The following RAB11FIP2 variants were observed in gnomAD, a reference collection of about 807,000 sequenced individuals.
RAB11FIP2 encodes rab11 family-interacting protein 2.
Under a neutral mutation model 40.9 loss-of-function variants are expected in RAB11FIP2, and 16 were observed. The ratio of observed to expected loss-of-function variants is 0.39; its 90% CI spans 0.26 to 0.59. The LOEUF (loss-of-function observed/expected upper bound fraction) is 0.59, where lower values mean the gene tolerates loss of function less well. Among genes scored for constraint, RAB11FIP2 ranks in the 20% least tolerant of loss-of-function variants. The pLI, the probability that RAB11FIP2 is intolerant of heterozygous loss-of-function variation, is 0.53. For missense variants in RAB11FIP2, 532 were observed against 606.2 expected, an observed-to-expected ratio of 0.88 and a Z score of 1.28; for synonymous variants, 228 against 213.7, an observed-to-expected ratio of 1.07 and a Z score of -0.58.
chr10:118,030,970 C>T (rs1271103791), intron 3 of RAB11FIP2, among the ~76,000 whole-genome samples: 6 of 152,028 alleles, frequency 3.9e-5, no homozygotes, highest in Non-Finnish European at 7.4e-5. Context: ...TTGCATACTT[C>T]GTGTTTATAG....
chr10:118,037,985 C>T (rs547929502), intron 3 of RAB11FIP2, among the ~76,000 whole-genome samples: 2 of 152,050 alleles, frequency 1.3e-5, no homozygotes, highest in South Asian at 4.1e-4. Flanking sequence ...TTACACTGTA[C>T]TGTTTTTTAA....
intron 3 of RAB11FIP2, among the ~76,000 whole-genome samples, chr10:118,029,272 T>C (rs1464292593): frequency 2.0e-5 from 3 of 151,080 alleles, no homozygotes; most frequent in African/African-American, 7.3e-5. Context: ...AATGGGTAAA[T>C]ATTTCTCAAA....
rs1846106635 is a variant in RAB11FIP2, at chr10:118,007,462, C to G, written c.*1536G>C. The stretch of plus-strand genomic sequence containing the variant: ...CTAAAATAAGCAAAAAAAAAAAACC[C>G]AAACTATTATATCGGCTTTTTGTTT... On this transcript the variant is annotated 3_prime_UTR_variant, in exon 5 of 5. Transcript: ENST00000355624. 1 of 150,848 alleles carries G rather than the reference C, an allele frequency of 6.6e-6. No homozygotes were observed. Among genetic ancestry groups the G allele is most frequent in the African/African-American group, 2.4e-5 (1 of 41,148 alleles). 9.3% of individuals were successfully genotyped at this position (150,848 alleles called of 1,614,324 possible). A position where few individuals can be genotyped will look rare whatever the true frequency, so the allele number is the denominator to read the frequency against.
At chr10:118,044,738 G>T (rs1332575375) in intron 1 of RAB11FIP2, among the ~76,000 whole-genome samples, 1 of 151,998 alleles carries the variant, frequency 6.6e-6, no homozygotes, top group East Asian at 1.9e-4. Flanking sequence ...AGAGAGAGTC[G>T]TTTTAAAATG....
rs950982552 is a variant in RAB11FIP2 at position 118,005,938 on chromosome 10, C to T, written c.*3060G>A. On this transcript the variant is annotated 3_prime_UTR_variant, in exon 5 of 5. Transcript: ENST00000355624. ...CCTTTTAAATACAAGGCAACATTTT[C>T]ACAGCTGGAAAATTACAACTAAATC... 2.6e-5 allele frequency: 4 copies of T among 152,458 alleles called. No individual in the cohort carries two copies. The highest frequency in any genetic ancestry group is 9.7e-5 in the African/African-American group (4 of 41,388). The allele number at this position is 152,458 out of a possible 1,614,324, so 9.4% of individuals were successfully genotyped here.
At chr10:118,040,706 G>T in intron 1 of RAB11FIP2, 141 bp from the exon 2 acceptor site, 1 of 613,616 alleles carries the variant, frequency 1.6e-6, no homozygotes, top group Non-Finnish European at 2.7e-6. Context: ...GTCAGCCACA[G>T]TATTTCGGGC....
intron 3 of RAB11FIP2, among the ~76,000 whole-genome samples, chr10:118,028,100 C>G (rs550834527): frequency 2.6e-5 from 4 of 152,194 alleles, no homozygotes; most frequent in Non-Finnish European, 5.9e-5. Context: ...TCCCCCATAC[C>G]TCTCCAGCCC....
intron 3 of RAB11FIP2, among the ~76,000 whole-genome samples, chr10:118,032,499 C>T (rs1343045943): frequency 6.6e-6 from 1 of 151,888 alleles, no homozygotes; most frequent in African/African-American, 2.4e-5. Flanking sequence ...CCTTACTATA[C>T]CCTCTACCTT....
chr10:118,014,926 C>A, intron 4 of RAB11FIP2, 139 bp downstream of exon 4: 1 of 635,366 alleles, frequency 1.6e-6, no homozygotes, highest in Non-Finnish European at 2.6e-6. Context: ...CTTTCTTTCT[C>A]CTAAAATTAC....
chr10:118,034,469 T>C (rs1846457005), intron 3 of RAB11FIP2, among the ~76,000 whole-genome samples: 1 of 152,140 alleles, frequency 6.6e-6, no homozygotes, highest in African/African-American at 2.4e-5. Context: ...CAATTTATTA[T>C]TTGTGATTTT....
chr10:118,040,183 T>A lies in RAB11FIP2; in HGVS notation c.736A>T (p.Ile246Leu). The change falls in exon 2 of 5, where the codon ATA becomes TTA. Residue 246 changes from isoleucine (I) to leucine (L), a missense_variant. Physicochemically the swap from Ile to Leu is conservative, Grantham distance 5. Coordinates refer to ENST00000355624, the MANE Select transcript of RAB11FIP2 (RefSeq NM_014904.3). ...MSSEKLKAGTIGQTHLLGHQL... is the reference protein window; with the variant it reads ...MSSEKLKAGTLGQTHLLGHQL... ...TGTCCGAGAAGATGTGTTTGACCTA[T>A]GGTGCCAGCCTTCAGTTTCTCAGAA... 2 of 1,613,850 alleles carry A rather than the reference T, an allele frequency of 1.2e-6. No homozygotes were observed. The highest frequency in any genetic ancestry group is 1.7e-6 in the Non-Finnish European group (2 of 1,179,774).
At chr10:118,045,293 G>C (rs1846613848) in intron 1 of RAB11FIP2, 1 of 153,714 alleles carries the variant, frequency 6.5e-6, no homozygotes, top group Non-Finnish European at 1.4e-5. Flanking sequence ...CTCCCATCAA[G>C]GCACACTGAC....
chr10:118,010,679 A>G (rs1322355260), intron 4 of RAB11FIP2, among the ~76,000 whole-genome samples: 1 of 152,126 alleles, frequency 6.6e-6, no homozygotes, highest in East Asian at 1.9e-4. Flanking sequence ...GAAAACATTC[A>G]GGACTGAAAA....
chr10:118,028,564 C>T (rs1846373522), intron 3 of RAB11FIP2, among the ~76,000 whole-genome samples: 1 of 152,024 alleles, frequency 6.6e-6, no homozygotes, highest in African/African-American at 2.4e-5. Context: ...GGAATGCTAC[C>T]TGTATTTCAA....
chr10:118,034,122 C>T lies in RAB11FIP2; in HGVS notation c.1265+4850G>A, dbSNP rs1239963973. The T allele has an allele frequency of 2.6e-5, 18 of 687,780 alleles. No homozygotes were observed. In the Admixed American group the frequency reaches 3.2e-4, roughly 12 times the overall value. The allele number at this position is 687,780 out of a possible 1,614,324, so 42.6% of individuals were successfully genotyped here. On this transcript the variant is annotated intron_variant, in intron 3 of 4. Coordinates refer to ENST00000355624, the MANE Select transcript of RAB11FIP2 (RefSeq NM_014904.3). ...ACAACTACTCAACGCTACCACCGTACACAATTATGACGATAATGCGGCTGT... is the reference window on the plus strand; with the variant it reads ...ACAACTACTCAACGCTACCACCGTATACAATTATGACGATAATGCGGCTGT...
At position 118,039,828 on chromosome 10, in the gene RAB11FIP2, T is replaced by C. The variant is rs574968583; in HGVS notation, c.796+295A>G. The C allele has an allele frequency of 2.9e-5, 11 of 376,378 alleles. No individual in the cohort carries two copies. In the East Asian group the frequency reaches 4.9e-4, roughly 17 times the overall value. The allele number at this position is 376,378 out of a possible 1,614,324, so 23.3% of individuals were successfully genotyped here. On this transcript the variant is annotated intron_variant, in intron 2 of 4. Coordinates refer to ENST00000355624, the MANE Select transcript of RAB11FIP2 (RefSeq NM_014904.3). ...CTTTATGATGAAATGGAACATTCAT[T>C]TATGCTCAGGGTTTTGAGATAGCAG...
At chr10:118,013,918 TG>T (rs1328468679) in intron 4 of RAB11FIP2, among the ~76,000 whole-genome samples, 5 of 152,152 alleles carry the variant, frequency 3.3e-5, no homozygotes, top group Non-Finnish European at 7.4e-5. Context: ...TGTTGCATTT[TG>T]TTTGAGATTA....
chr10:118,034,092 C>T (rs1846450791), intron 3 of RAB11FIP2: 2 of 697,426 alleles, frequency 2.9e-6, no homozygotes, highest in East Asian at 2.7e-5. Flanking sequence ...CATATGGTCT[C>T]TGTCACAACT....
chr10:118,033,642 A>G (rs1210460479), intron 3 of RAB11FIP2, among the ~76,000 whole-genome samples: 1 of 152,118 alleles, frequency 6.6e-6, no homozygotes, highest in African/African-American at 2.4e-5. Flanking sequence ...ACTTACCTAG[A>G]ACAGGTTGGT....
Sources: allele counts gnomAD v4.1 joint callset (sites outside exome capture counted in the v4.1 genomes callset), GRCh38; gene constraint gnomAD v4.1.1; transcripts MANE v1.5; gene names NCBI Gene and HGNC (gene_info 2026-07-23, HGNC 2026-07-21).